The following PNPLA1 variants were observed in gnomAD, a reference collection of about 807,000 sequenced individuals.
PNPLA1 encodes patatin like domain 1, omega-hydroxyceramide transacylase.
A neutral mutation model predicts 51.7 loss-of-function variants in PNPLA1; 36 were observed. That is an observed-to-expected ratio of 0.70 (90% CI 0.53 to 0.92). The LOEUF (loss-of-function observed/expected upper bound fraction) is 0.92. Ranked by LOEUF, PNPLA1 falls within the 40% of genes least tolerant of loss-of-function variation. PNPLA1 has a pLI of 0.00. For synonymous variants in PNPLA1, 293 were observed against 280.1 expected (o/e 1.05, Z -0.46); for missense variants, 658 against 682.5 (o/e 0.96, Z 0.40).
At chr6:36,278,991 T>C (rs771285462) in intron 1 of PNPLA1, among the ~76,000 whole-genome samples, 2 of 152,124 alleles carry the variant, frequency 1.3e-5, no homozygotes, top group African/African-American at 2.4e-5. Context: ...GGGCACAGTG[T>C]TGGGTGGGCT....
chr6:36,275,373 G>A (rs9462168), intron 1 of PNPLA1, among the ~76,000 whole-genome samples: 2,907 of 152,240 alleles, frequency 0.019, 98 homozygotes, highest in African/African-American at 0.064. Context: ...AAACCAGTGC[G>A]CCTGGCCATC....
rs1771456258 is a variant in PNPLA1, at chr6:36,313,753, G to C, written c.*1867G>C. On this transcript the variant is annotated 3_prime_UTR_variant, in exon 9 of 9. Transcript: ENST00000636260. ...TCTTCCAGGAGTGGCCTCCATGTTT[G>C]CAGAAGCCTGAGGCCTGGGAAACTA... is the stretch of plus-strand genomic sequence containing the variant. 6.6e-6 allele frequency among the ~76,000 whole-genome samples: 1 copy of C among 152,202 alleles called. No homozygotes were observed. Among genetic ancestry groups the C allele is most frequent in the Non-Finnish European group, 1.5e-5 (1 of 68,030 alleles).
At chr6:36,243,317 TGC>T (rs904165829) in intron 1 of PNPLA1, 9 of 151,966 alleles carry the variant, frequency 5.9e-5, no homozygotes, top group Admixed American at 2.6e-4. Flanking sequence ...TGGGGGGTGG[TGC>T]GAAGATTCTT....
At chr6:36,285,685 C>T (rs1770466005) in intron 1 of PNPLA1, among the ~76,000 whole-genome samples, 1 of 152,164 alleles carries the variant, frequency 6.6e-6, no homozygotes, top group African/African-American at 2.4e-5. Flanking sequence ...ATTCCAGGCA[C>T]TATATTGAGT....
upstream of PNPLA1, among the ~76,000 whole-genome samples, chr6:36,269,094 G>A (rs1054687459): frequency 1.3e-5 from 2 of 152,232 alleles, no homozygotes; most frequent in African/African-American, 4.8e-5. Flanking sequence ...GCCTGGCCTT[G>A]CCCTCACTGT....
Position 36,293,051 on chromosome 6 carries a change from C to T in PNPLA1, c.439-10C>T. On this transcript the variant is annotated splice_polypyrimidine_tract_variant and intron_variant, in intron 2 of 8. Coordinates refer to ENST00000636260, the MANE Select transcript of PNPLA1 (RefSeq NM_001374623.1). ...GCCTCCAGCATCTCAGCCCTGTTCT[C>T]TCCGCACAGGCCCTATACTGCAGCT... 6.2e-7 allele frequency: 1 copy of T among 1,612,544 alleles called. No homozygotes were observed. Among genetic ancestry groups the T allele is most frequent in the Non-Finnish European group, 8.5e-7 (1 of 1,179,102 alleles).
chr6:36,291,655 C>G (rs1376373355), intron 2 of PNPLA1, 103 bp downstream of exon 2: 12 of 960,986 alleles, frequency 1.2e-5, no homozygotes, highest in Non-Finnish European at 1.2e-5. Flanking sequence ...ACCTGCCTCA[C>G]TTCCCTAGTC....
At chr6:36,298,576 A>G (rs1479355329) in intron 5 of PNPLA1, among the ~76,000 whole-genome samples, 1 of 152,110 alleles carries the variant, frequency 6.6e-6, no homozygotes, top group Non-Finnish European at 1.5e-5. Flanking sequence ...CTCCTCCTCC[A>G]GCCCCCAGCA....
At chr6:36,284,723 G>T (rs776173584) in intron 1 of PNPLA1, among the ~76,000 whole-genome samples, 2 of 152,186 alleles carry the variant, frequency 1.3e-5, no homozygotes, top group Admixed American at 1.3e-4. Context: ...GAGTCTCAGG[G>T]CAGTGTTTTG....
At chr6:36,307,564 A>G in intron 7 of PNPLA1, 23 bp from the exon 8 acceptor site, 7 of 1,611,518 alleles carry the variant, frequency 4.3e-6, no homozygotes, top group Non-Finnish European at 5.1e-6. Context: ...ATAATGAACC[A>G]TCTACTTAAT....
At chr6:36,251,897 A>T (rs964352810) in intron 1 of PNPLA1, among the ~76,000 whole-genome samples, 2 of 152,150 alleles carry the variant, frequency 1.3e-5, no homozygotes, top group Non-Finnish European at 2.9e-5. Flanking sequence ...GTGAGCTATG[A>T]TGGCACCACT....
chr6:36,251,867 C>T (rs1019785174), intron 1 of PNPLA1, among the ~76,000 whole-genome samples: 1 of 152,028 alleles, frequency 6.6e-6, no homozygotes, highest in African/African-American at 2.4e-5. Context: ...ATTGCTTGGG[C>T]CCAGGAATTC....
At position 36,294,290 on chromosome 6, in the gene PNPLA1, G is replaced by C; in HGVS notation, c.605G>C (p.Arg202Pro). 2 of 1,614,172 alleles carry C rather than the reference G, an allele frequency of 1.2e-6. No homozygotes were observed. The highest frequency in any genetic ancestry group is 1.1e-5 in the South Asian group (1 of 91,084). The change falls in exon 4 of 9, where the codon CGG becomes CCG. Residue 202 changes from arginine to proline, a missense_variant. Arg to Pro is a moderately radical substitution (Grantham distance 103). Coordinates refer to ENST00000636260, the MANE Select transcript of PNPLA1 (RefSeq NM_001374623.1). The surrounding 1 kb of genome is among the most constrained non-coding windows in gnomAD (Gnocchi z 4.2). ...AGTGGGCAGCAGGACATCTGTCCCC[G>C]GGACTGCCCGGCCATCTTCCACGAC... ...TFSGQQDICPRDCPAIFHDFR... is the reference protein window; with the variant it reads ...TFSGQQDICPPDCPAIFHDFR...
upstream of PNPLA1, among the ~76,000 whole-genome samples, chr6:36,269,655 A>G (rs570056731): frequency 2.0e-5 from 3 of 152,212 alleles, no homozygotes; most frequent in Admixed American, 6.5e-5. Flanking sequence ...CCAAGGTCAC[A>G]GGGTCAGTGA....
At chr6:36,271,709 A>G (rs1267254995) in intron 1 of PNPLA1, among the ~76,000 whole-genome samples, 1 of 152,180 alleles carries the variant, frequency 6.6e-6, no homozygotes, top group African/African-American at 2.4e-5. Context: ...CTGGTGGAGG[A>G]GCAGCCACGA....
At chr6:36,245,811 T>C (rs146056916) in intron 1 of PNPLA1, among the ~76,000 whole-genome samples, 3 of 152,344 alleles carry the variant, frequency 2.0e-5, no homozygotes, top group African/African-American at 7.2e-5. Flanking sequence ...GATTTGGCCT[T>C]GGCCTCATTG....
intron 1 of PNPLA1, among the ~76,000 whole-genome samples, chr6:36,273,534 C>T (rs537144205): frequency 2.0e-5 from 3 of 151,858 alleles, no homozygotes; most frequent in South Asian, 4.2e-4. Flanking sequence ...GATTCTCTCT[C>T]CTTTTCCGGG....
intron 1 of PNPLA1, among the ~76,000 whole-genome samples, chr6:36,290,361 G>A (rs1455102475): frequency 1.3e-5 from 2 of 152,224 alleles, no homozygotes; most frequent in Non-Finnish European, 2.9e-5. Context: ...GGCTGCAGAA[G>A]AAGCTTTTGG....
intron 1 of PNPLA1, among the ~76,000 whole-genome samples, chr6:36,252,093 C>G (rs373107579): frequency 6.6e-5 from 10 of 152,150 alleles, no homozygotes; most frequent in African/African-American, 1.9e-4. Flanking sequence ...CTGTCAGCTC[C>G]CTATCCTAAT....
Sources: gnomAD v4.1 joint callset for allele counts (sites outside exome capture counted in the v4.1 genomes callset) on GRCh38, gnomAD v4.1.1 for gene constraint, Gnocchi (gnomAD v3.1) non-coding constraint, MANE v1.5 for transcripts, NCBI Gene and HGNC (gene_info 2026-07-23, HGNC 2026-07-21) for gene names.